Variants in CYP4B1 observed in about 807,000 individuals in gnomAD.
CYP4B1 encodes the protein cytochrome P450 family 4 subfamily B member 1.
A neutral mutation model predicts 54.0 loss-of-function variants in CYP4B1; 45 were observed. The observed-to-expected ratio is 0.83, with a 90% confidence interval of 0.66 to 1.07. The LOEUF (loss-of-function observed/expected upper bound fraction) is 1.07. Ranked by LOEUF, CYP4B1 falls within the 50% of genes least tolerant of loss-of-function variation. The pLI is 0.00. For synonymous variants in CYP4B1, 248 were observed against 247.5 expected, an observed-to-expected ratio of 1.00 and a Z score of -0.02; for missense variants, 656 against 655.4, an observed-to-expected ratio of 1.00 and a Z score of -0.01.
chr1:46,805,080 T>C (rs1401374150), intron 1 of CYP4B1, among the ~76,000 whole-genome samples: 1 of 152,238 alleles, frequency 6.6e-6, no homozygotes, highest in Non-Finnish European at 1.5e-5. Context: ...CCTGGCACAA[T>C]GCCCATGTGT....
chr1:46,810,679 G>C lies in CYP4B1; in HGVS notation c.181-129G>C, dbSNP rs897983889. On this transcript the variant is annotated intron_variant, in intron 1 of 11. Coordinates refer to ENST00000371923, the MANE Select transcript of CYP4B1 (RefSeq NM_001099772.2). Reference sequence around the variant, plus strand: ...AGCCCAGGGATGTTTAGGAGAAGAGGGTGCAGGAGAGGTAAGGAAGCAACC... The same window carrying C: ...AGCCCAGGGATGTTTAGGAGAAGAGCGTGCAGGAGAGGTAAGGAAGCAACC... 6 of 853,512 alleles carry C rather than the reference G, an allele frequency of 7.0e-6. No individual in the cohort carries two copies. The East Asian group carries it at 9.8e-5, about 14-fold the overall frequency. The allele number at this position is 853,512 out of a possible 1,614,324, so 52.9% of individuals were successfully genotyped here.
chr1:46,812,386 C>T (rs1391104664), intron 3 of CYP4B1, 110 bp from the exon 4 acceptor site: 24 of 1,335,288 alleles, frequency 1.8e-5, no homozygotes, highest in Non-Finnish European at 2.5e-5. Flanking sequence ...CGCTTAGTGG[C>T]CCACCCTTGG....
chr1:46,818,857 C>T lies in CYP4B1; in HGVS notation c.*43C>T. 6.3e-7 allele frequency: 1 copy of T among 1,592,720 alleles called. No homozygotes were observed. The highest frequency in any genetic ancestry group is 8.6e-7 in the Non-Finnish European group (1 of 1,164,078). ...TCCCAGATGGCTCAGGCTGTGACCTCCCTGGGCACCACCCTCCCCAGGCTG... is the reference window on the plus strand; with the variant it reads ...TCCCAGATGGCTCAGGCTGTGACCTTCCTGGGCACCACCCTCCCCAGGCTG... On this transcript the variant is annotated 3_prime_UTR_variant, in exon 12 of 12. Coordinates refer to ENST00000371923, the MANE Select transcript of CYP4B1 (RefSeq NM_001099772.2).
In CYP4B1 at chr1:46,799,229, C is replaced by T. The variant is rs1678508765; in HGVS notation, c.148C>T (p.Pro50Ser). The change falls in exon 1 of 12, where the codon CCC becomes TCC. Residue 50 changes from proline (P) to serine (S), a missense_variant. Coordinates refer to ENST00000371923, the MANE Select transcript of CYP4B1 (RefSeq NM_001099772.2). ...AKAMDKFPGP[P>S]THWLFGHALE... The stretch of plus-strand genomic sequence containing the variant: ...GGCTATGGACAAATTCCCAGGGCCT[C>T]CCACCCACTGGCTTTTTGGACATGC... 1 of 1,602,258 alleles carries T rather than the reference C, an allele frequency of 6.2e-7. No homozygotes were observed.
intron 1 of CYP4B1, among the ~76,000 whole-genome samples, chr1:46,808,292 C>A (rs1678941698): frequency 6.6e-6 from 1 of 152,104 alleles, no homozygotes; most frequent in Non-Finnish European, 1.5e-5. Context: ...TTCTCCACAT[C>A]CTCTCCAGCA....
At position 46,799,175 on chromosome 1, in the gene CYP4B1, C is replaced by A; in HGVS notation, c.94C>A (p.Leu32Met). The A allele has an allele frequency of 6.2e-7, 1 of 1,612,686 alleles. No individual in the cohort carries two copies. The highest frequency in any genetic ancestry group is 1.1e-5 in the South Asian group (1 of 90,606). Reference sequence around the variant, plus strand: ...CTTAGGCTTTCTCAAGCTCATCCACCTGCTGCTGCGGAGGCAGACGTTGGC... The same window carrying A: ...CTTAGGCTTTCTCAAGCTCATCCACATGCTGCTGCGGAGGCAGACGTTGGC... ...LVLGFLKLIH[L>M]LLRRQTLAKA... Residue 32 changes from leucine (L) to methionine (M), a missense_variant, in exon 1 of 12, where the codon CTG (leucine) becomes ATG (methionine). Physicochemically the swap from Leu to Met is conservative, Grantham distance 15. Coordinates refer to ENST00000371923, the MANE Select transcript of CYP4B1 (RefSeq NM_001099772.2).
chr1:46,814,054 G>A lies in CYP4B1; in HGVS notation c.766G>A (p.Asp256Asn). ...CCTGCGGGCCTGCCAGGTGGCCCAT[G>A]ACCATACAGGTGGGCCTTTCCCACA... ...RFLRACQVAH[D>N]HTDQVIRERK... The change falls in exon 6 of 12, where the codon GAC (aspartate) becomes AAC (asparagine). Residue 256 changes from aspartate (D) to asparagine (N), a missense_variant. Transcript: ENST00000371923. The A allele has an allele frequency of 6.2e-7, 1 of 1,614,000 alleles. No homozygotes were observed. Among genetic ancestry groups the A allele is most frequent in the East Asian group, 2.2e-5 (1 of 44,862 alleles).
rs1441060493 is a variant in CYP4B1 at position 46,817,957 on chromosome 1, G to A, written c.1208-8G>A. 1.2e-6 allele frequency: 2 copies of A among 1,614,038 alleles called. No homozygotes were observed. The highest frequency in any genetic ancestry group is 1.1e-5 in the South Asian group (1 of 91,068). On this transcript the variant is annotated splice_polypyrimidine_tract_variant and splice_region_variant and intron_variant, in intron 9 of 11. Coordinates refer to ENST00000371923, the MANE Select transcript of CYP4B1 (RefSeq NM_001099772.2). ...CTACCTGGTCACCAACCTCTGTTCT[G>A]CCCACAGGAAGCCTGATCTCTATGC...
intron 3 of CYP4B1, 167 bp from the exon 4 acceptor site, chr1:46,812,329 T>G: frequency 7.9e-6 from 6 of 757,946 alleles, no homozygotes; most frequent in East Asian, 2.7e-5. Context: ...ACCTGTCTCC[T>G]GAGGTCCTGG....
At chr1:46,812,769 T>C in intron 4 of CYP4B1, 146 bp downstream of exon 4, 1 of 915,810 alleles carries the variant, frequency 1.1e-6, no homozygotes, top group Non-Finnish European at 1.7e-6. Flanking sequence ...GCAACAGCAG[T>C]GCCAAAGCCC....
Position 46,818,934 on chromosome 1 carries a change from G to T in CYP4B1, c.*120G>T, listed in dbSNP as rs1044147460. 1 of 844,476 alleles carries T rather than the reference G, an allele frequency of 1.2e-6. No individual in the cohort carries two copies. Among genetic ancestry groups the T allele is most frequent in the Non-Finnish European group, 1.8e-6 (1 of 541,914 alleles). 52.3% of individuals were successfully genotyped at this position (844,476 alleles called of 1,614,324 possible). A position where few individuals can be genotyped will look rare whatever the true frequency, so the allele number is the denominator to read the frequency against. On this transcript the variant is annotated 3_prime_UTR_variant, in exon 12 of 12. Coordinates refer to ENST00000371923, the MANE Select transcript of CYP4B1 (RefSeq NM_001099772.2). ...CTTCAGGAGGCTTGTAGTTTAGAAG[G>T]GAAGTAGGCATTACCATAGACGACT...
intron 1 of CYP4B1, among the ~76,000 whole-genome samples, chr1:46,805,148 C>A (rs376700654): frequency 9.9e-5 from 15 of 152,224 alleles, no homozygotes; most frequent in East Asian, 1.9e-4. Context: ...GCCACCCATG[C>A]GGACTGAGGA....
At chr1:46,815,799 A>G (rs896814476) in intron 8 of CYP4B1, among the ~76,000 whole-genome samples, 23 of 152,152 alleles carry the variant, frequency 1.5e-4, no homozygotes, top group African/African-American at 5.6e-4. Flanking sequence ...GAACTCCTAA[A>G]CACTTAAGGA....
At chr1:46,800,238 TTTCC>T (rs1216147120) in intron 1 of CYP4B1, among the ~76,000 whole-genome samples, 1,016 of 42,338 alleles carry the variant, frequency 0.024, 53 homozygotes, top group African/African-American at 0.063. Context: ...TCTTTCTTTC[TTTCC>T]TTCCTTCCTT....
intron 8 of CYP4B1, 113 bp from the exon 9 acceptor site, chr1:46,816,935 T>C (rs527405659): frequency 7.9e-6 from 10 of 1,270,480 alleles, no homozygotes; most frequent in Middle Eastern, 1.9e-4. Context: ...TCTGTGCCTC[T>C]GACTCTTGAG....
At chr1:46,807,740 C>T (rs1172881968) in intron 1 of CYP4B1, among the ~76,000 whole-genome samples, 3 of 152,188 alleles carry the variant, frequency 2.0e-5, no homozygotes, top group Non-Finnish European at 4.4e-5. Flanking sequence ...TGATTACAGA[C>T]GACTCCACAG....
At chr1:46,814,371 C>T in intron 7 of CYP4B1, 56 bp downstream of exon 7, 1 of 1,322,148 alleles carries the variant, frequency 7.6e-7, no homozygotes. Flanking sequence ...AGGTCTTCAA[C>T]CATCCTCCCA....
intron 1 of CYP4B1, among the ~76,000 whole-genome samples, chr1:46,800,164 CT>C (rs1280367144): frequency 1.6e-5 from 2 of 124,710 alleles, no homozygotes; most frequent in Admixed American, 1.9e-4. Context: ...TTCTTTCTTT[CT>C]TTTTTTCTTC....
At chr1:46,808,175 C>A (rs9727184) in intron 1 of CYP4B1, among the ~76,000 whole-genome samples, 1 of 152,090 alleles carries the variant, frequency 6.6e-6, no homozygotes, top group African/African-American at 2.4e-5. Flanking sequence ...TAACAAACAG[C>A]TCTCAAATGG....
Sources: gnomAD v4.1 joint callset for allele counts (sites outside exome capture counted in the v4.1 genomes callset) on GRCh38, gnomAD v4.1.1 for gene constraint, MANE v1.5 for transcripts, NCBI Gene and HGNC (gene_info 2026-07-23, HGNC 2026-07-21) for gene names.